NINJ2: variants seen among roughly 807,000 people sequenced by gnomAD.
NINJ2 encodes the protein ninjurin 2, also known as ninjurin-2.
In NINJ2, 12 loss-of-function variants were observed where a neutral mutation model predicts 11.7. The observed-to-expected ratio is 1.02, with a 90% CI of 0.66 to 1.66. NINJ2 has a LOEUF of 1.66. NINJ2 is among the 40% of genes most tolerant of loss of function. The pLI is 0.00. For synonymous variants in NINJ2, 93 were observed against 76.8 expected (o/e 1.21, Z -1.10); for missense variants, 187 against 181.8 (o/e 1.03, Z -0.16).
chr12:657,032 G>A (rs150990272), intron 1 of NINJ2, among the ~76,000 whole-genome samples: 45 of 152,206 alleles, frequency 3.0e-4, no homozygotes, highest in Admixed American at 2.0e-3. Context: ...TGTAAAATGC[G>A]AAACTATAAA....
Position 602,644 on chromosome 12 carries a change from C to T in NINJ2, c.34-36466G>A, listed in dbSNP as rs116443857. Among the ~76,000 whole-genome samples the T allele has an allele frequency of 2.1e-3, 313 of 152,194 alleles. 1 individual carries two copies. The highest frequency in any genetic ancestry group is 7.2e-3 in the African/African-American group (297 of 41,512). On this transcript the variant is annotated intron_variant, in intron 1 of 3. Transcript: ENST00000305108. Reference sequence around the variant, plus strand: ...AGTGGAGTTAATTGCTGGGTCATACCGTACCTCTGTGATTAGCTTTTTGAG... The same window carrying T: ...AGTGGAGTTAATTGCTGGGTCATACTGTACCTCTGTGATTAGCTTTTTGAG...
At chr12:611,439 G>A (rs1235816222) in intron 1 of NINJ2, among the ~76,000 whole-genome samples, 2 of 151,984 alleles carry the variant, frequency 1.3e-5, no homozygotes, top group African/African-American at 4.8e-5. Context: ...CTGGGTTTAC[G>A]CAATTCTCCT....
In NINJ2 at chr12:640,800, AT is replaced by A. The variant is rs200088723; in HGVS notation, c.33+22527del. On this transcript the variant is annotated intron_variant, in intron 1 of 3. Coordinates refer to ENST00000305108, the MANE Select transcript of NINJ2 (RefSeq NM_016533.6). This position sits in a 1 kb window ranked among gnomAD's most constrained non-coding sequence, Gnocchi z 4.0. The stretch of plus-strand genomic sequence containing the variant: ...GGTGTGAATCATTGTGCTAGGCCAC[AT>A]TTTTTTTTAATTGTTCTGTTTGTGT... The A allele has an allele frequency of 1.1e-3, 170 of 151,434 alleles. No individual in the cohort carries two copies. The highest frequency in any genetic ancestry group is 3.9e-3 in the African/African-American group (162 of 41,114). 9.4% of individuals were successfully genotyped at this position (151,434 alleles called of 1,614,324 possible). A position where few individuals can be genotyped will look rare whatever the true frequency, so the allele number is the denominator to read the frequency against.
chr12:596,958 T>C (rs936594413), intron 1 of NINJ2, among the ~76,000 whole-genome samples: 1 of 151,138 alleles, frequency 6.6e-6, no homozygotes, highest in African/African-American at 2.4e-5. Context: ...GAATTCACAG[T>C]CGAAAAGATA....
chr12:572,850 ATTTTTT>A (rs539715060), intron 1 of NINJ2, among the ~76,000 whole-genome samples: 1 of 96,166 alleles, frequency 1.0e-5, no homozygotes, highest in Admixed American at 1.2e-4. Context: ...AGAGCCTGTA[ATTTTTT>A]TTTTTTTTTT....
intron 1 of NINJ2, among the ~76,000 whole-genome samples, chr12:648,176 C>T (rs752239510): frequency 1.3e-5 from 2 of 152,136 alleles, no homozygotes; most frequent in Non-Finnish European, 1.5e-5. Flanking sequence ...TGAGTTCAAG[C>T]GATTCTCCAG....
At chr12:601,559 A>AT (rs1055861417) in intron 1 of NINJ2, among the ~76,000 whole-genome samples, 1 of 150,832 alleles carries the variant, frequency 6.6e-6, no homozygotes, top group African/African-American at 2.4e-5. Context: ...AAAAAAAAAA[A>AT]AAAATAAATA....
intron 1 of NINJ2, among the ~76,000 whole-genome samples, chr12:629,298 C>A (rs1168250289): frequency 6.6e-6 from 1 of 152,226 alleles, no homozygotes; most frequent in Non-Finnish European, 1.5e-5. Flanking sequence ...TTCCCAAGTT[C>A]ACCGAAGGAG....
rs181595479 is a variant in NINJ2, at chr12:628,321, C to T, written c.33+35007G>A. Among the ~76,000 whole-genome samples, 1 of 151,926 alleles carries T rather than the reference C, an allele frequency of 6.6e-6. No individual in the cohort carries two copies. Among genetic ancestry groups the T allele is most frequent in the Non-Finnish European group, 1.5e-5 (1 of 67,944 alleles). On this transcript the variant is annotated intron_variant, in intron 1 of 3. Coordinates refer to ENST00000305108, the MANE Select transcript of NINJ2 (RefSeq NM_016533.6). This position sits in a 1 kb window ranked among gnomAD's most constrained non-coding sequence, Gnocchi z 4.4. ...GTCTTCCTAGAGGGGAAGGGGGAAG[C>T]CTCCTCATAGAGATCTCAGAGTACA...
intron 1 of NINJ2, among the ~76,000 whole-genome samples, chr12:630,272 C>A (rs978821625): frequency 1.3e-5 from 2 of 152,080 alleles, no homozygotes; most frequent in Non-Finnish European, 2.9e-5. Flanking sequence ...AAGAAAGTGA[C>A]TCTTCAGTTG....
chr12:621,861 C>T (rs1267402503), intron 1 of NINJ2, among the ~76,000 whole-genome samples: 1 of 151,030 alleles, frequency 6.6e-6, no homozygotes, highest in African/African-American at 2.4e-5. Context: ...TGGCCACGCA[C>T]TGTGGCTCAC....
Position 580,598 on chromosome 12 carries a change from A to AATAT in NINJ2, c.34-14424_34-14421dup, listed in dbSNP as rs200833054. ...AGAGACCCTGTCTCAAAAAAAAAAA[A>AATAT]ATATATATATATATATATCCATTTG... On this transcript the variant is annotated intron_variant, in intron 1 of 3. Transcript: ENST00000305108. The surrounding 1 kb of genome is among the most constrained non-coding windows in gnomAD (Gnocchi z 4.7). Among the ~76,000 whole-genome samples, 1 of 60,422 alleles carries AATAT rather than the reference A, an allele frequency of 1.7e-5. No individual in the cohort carries two copies. The highest frequency in any genetic ancestry group is 4.6e-5 in the Non-Finnish European group (1 of 21,976). 39.6% of individuals were successfully genotyped at this position (60,422 alleles called of 152,430 possible).
At chr12:599,306 C>T (rs927117688) in intron 1 of NINJ2, among the ~76,000 whole-genome samples, 8 of 152,066 alleles carry the variant, frequency 5.3e-5, no homozygotes, top group Non-Finnish European at 8.8e-5. Context: ...ATTTCTTGAA[C>T]GCGGGAGGCG....
chr12:568,887 C>T lies in NINJ2; in HGVS notation c.34-2709G>A, dbSNP rs71447499. On this transcript the variant is annotated intron_variant, in intron 1 of 3. Coordinates refer to ENST00000305108, the MANE Select transcript of NINJ2 (RefSeq NM_016533.6). The stretch of plus-strand genomic sequence containing the variant: ...GGGGCTGTGAGGACACCCCCCCCCC[C>T]CCGCCCCCCGGGTAAGCACTGGGCC... 8.3e-5 allele frequency among the ~76,000 whole-genome samples: 9 copies of T among 107,842 alleles called. No individual in the cohort carries two copies. In the East Asian group the frequency reaches 1.2e-3, roughly 14 times the overall value. The allele number at this position is 107,842 out of a possible 152,430, so 70.7% of individuals were successfully genotyped here. A position where few individuals can be genotyped will look rare whatever the true frequency, so the allele number is the denominator to read the frequency against.
intron 1 of NINJ2, among the ~76,000 whole-genome samples, chr12:603,035 C>G (rs1947892148): frequency 6.6e-6 from 1 of 151,908 alleles, no homozygotes; most frequent in Admixed American, 6.6e-5. Context: ...TGAGATCTCA[C>G]TATGTTGCCC....
intron 1 of NINJ2, among the ~76,000 whole-genome samples, chr12:652,455 G>A (rs1236590785): frequency 1.3e-5 from 2 of 152,140 alleles, no homozygotes; most frequent in East Asian, 3.9e-4. Flanking sequence ...ATGAAGCTGG[G>A]CATGGTGGCT....
At chr12:660,939 C>T (rs538381235) in intron 1 of NINJ2, among the ~76,000 whole-genome samples, 13 of 152,118 alleles carry the variant, frequency 8.5e-5, no homozygotes, top group East Asian at 7.8e-4. Context: ...CCACCCTAGG[C>T]GACAGAGTGA....
At chr12:622,290 G>C (rs1438955360) in intron 1 of NINJ2, among the ~76,000 whole-genome samples, 1 of 148,272 alleles carries the variant, frequency 6.7e-6, no homozygotes, top group Non-Finnish European at 1.5e-5. Flanking sequence ...GGTGCCTGTA[G>C]TCCCAGCTAC....
In NINJ2 at chr12:611,689, T is replaced by C. The variant is rs371975208; in HGVS notation, c.34-45511A>G. 9.5e-4 allele frequency among the ~76,000 whole-genome samples: 145 copies of C among 152,384 alleles called. 1 individual carries two copies. Among genetic ancestry groups the C allele is most frequent in the African/African-American group, 3.4e-3 (142 of 41,596 alleles). ...GTAAGAAAGGATTTTAGAAATCATT[T>C]AGTCTAAACTCCTCCTGGTTACACC... On this transcript the variant is annotated intron_variant, in intron 1 of 3. Coordinates refer to ENST00000305108, the MANE Select transcript of NINJ2 (RefSeq NM_016533.6).
Sources: allele counts gnomAD v4.1 joint callset (sites outside exome capture counted in the v4.1 genomes callset), GRCh38; gene constraint gnomAD v4.1.1; non-coding constraint Gnocchi (gnomAD v3.1); transcripts MANE v1.5; gene names NCBI Gene and HGNC (gene_info 2026-07-23, HGNC 2026-07-21).